Variants in ZFHX3 observed in about 807,000 individuals in gnomAD.
ZFHX3 encodes zinc finger homeobox protein 3.
A neutral mutation model predicts 279.1 loss-of-function variants in ZFHX3; 42 were observed. The ratio of observed to expected loss-of-function variants is 0.15; its 90% confidence interval spans 0.12 to 0.19. The LOEUF is 0.19. Among genes scored for constraint, ZFHX3 ranks in the 10% least tolerant of loss-of-function variants. ZFHX3 has a pLI of 1.00. For synonymous variants in ZFHX3, 2,293 were observed against 1,957.8 expected, an observed-to-expected ratio of 1.17 and a Z score of -4.52; for missense variants, 4,981 against 4,754.0, an observed-to-expected ratio of 1.05 and a Z score of -1.40.
At chr16:73,849,342 C>T (rs61248130) in intron 1 of ZFHX3, among the ~76,000 whole-genome samples, 37,948 of 152,110 alleles carry the variant, frequency 0.25, 5,856 homozygotes, top group Non-Finnish European at 0.35. Context: ...TTGCACTTCA[C>T]TTCATCTGAA....
At chr16:73,815,601 A>T (rs1231263840) in intron 1 of ZFHX3, 2 of 149,844 alleles carry the variant, frequency 1.3e-5, no homozygotes, top group African/African-American at 2.5e-5. Context: ...CACTCTGTCC[A>T]CCCAGGCTGG....
intron 3 of ZFHX3, among the ~76,000 whole-genome samples, chr16:73,378,055 A>C (rs2016754947): frequency 7.3e-6 from 1 of 136,474 alleles, no homozygotes; most frequent in African/African-American, 2.6e-5. Context: ...AAAAAAAAAA[A>C]AAAAAAAAAA....
intron 2 of ZFHX3, among the ~76,000 whole-genome samples, chr16:73,465,177 T>C (rs1218759163): frequency 6.6e-6 from 1 of 152,234 alleles, no homozygotes; most frequent in Non-Finnish European, 1.5e-5. Context: ...ATTTCAAGGC[T>C]TGGAGTTCAT....
intron 2 of ZFHX3, among the ~76,000 whole-genome samples, chr16:73,475,300 A>T (rs1193076194): frequency 1.3e-5 from 2 of 152,226 alleles, no homozygotes; most frequent in East Asian, 3.8e-4. Context: ...TTCAAAAATA[A>T]AATTCCTTCT....
intron 3 of ZFHX3, among the ~76,000 whole-genome samples, chr16:73,390,155 T>C (rs527436779): frequency 3.1e-4 from 47 of 152,162 alleles, no homozygotes; most frequent in African/African-American, 1.1e-3. Context: ...GGTTAAAAAA[T>C]AACCCGTCCC....
intron 1 of ZFHX3, among the ~76,000 whole-genome samples, chr16:73,834,579 G>C (rs1339750659): frequency 2.0e-5 from 3 of 152,206 alleles, no homozygotes; most frequent in African/African-American, 7.2e-5. Flanking sequence ...TCCTCACTTG[G>C]AAGGAAACAT....
At chr16:72,949,911 CTTTTTT>C (rs774934563) in intron 3 of ZFHX3, among the ~76,000 whole-genome samples, 1 of 116,058 alleles carries the variant, frequency 8.6e-6, no homozygotes, top group Non-Finnish European at 1.7e-5. Context: ...ATTTTCTTTT[CTTTTTT>C]TTTTTTTTTT....
intron 1 of ZFHX3, among the ~76,000 whole-genome samples, chr16:72,970,308 C>T (rs1458673991): frequency 6.6e-6 from 1 of 151,742 alleles, no homozygotes; most frequent in Non-Finnish European, 1.5e-5. Flanking sequence ...GCAAGACAAA[C>T]CAGCTATTAT....
intron 5 of ZFHX3, among the ~76,000 whole-genome samples, chr16:73,244,201 G>C (rs1195373588): frequency 6.6e-6 from 1 of 152,164 alleles, no homozygotes; most frequent in Non-Finnish European, 1.5e-5. Flanking sequence ...GAATATTTTT[G>C]AGTGGCAGAT....
intron 2 of ZFHX3, among the ~76,000 whole-genome samples, chr16:72,955,646 C>T (rs762375363): frequency 5.9e-5 from 9 of 151,946 alleles, no homozygotes; most frequent in Admixed American, 2.0e-4. Flanking sequence ...GGCATGGTGG[C>T]GGGTGCCTGT....
chr16:73,085,985 C>CAAAAAAAA (rs57128744), intron 8 of ZFHX3, among the ~76,000 whole-genome samples: 17 of 54,116 alleles, frequency 3.1e-4, no homozygotes, highest in Non-Finnish European at 4.8e-4. Context: ...AACTCAATTG[C>CAAAAAAAA]AAAAAAAAAA....
intron 1 of ZFHX3, among the ~76,000 whole-genome samples, chr16:73,693,712 C>G (rs1016105477): frequency 3.3e-5 from 5 of 152,128 alleles, no homozygotes; most frequent in Admixed American, 6.5e-5. Context: ...TGTAAACAGT[C>G]CCTCCCTTCA....
At chr16:72,942,692 A>G (rs1237732729) in intron 3 of ZFHX3, among the ~76,000 whole-genome samples, 2 of 152,208 alleles carry the variant, frequency 1.3e-5, no homozygotes, top group Non-Finnish European at 2.9e-5. Flanking sequence ...TATTTACGTA[A>G]GAACTTCAGG....
chr16:73,304,500 T>C (rs997543166), intron 4 of ZFHX3, among the ~76,000 whole-genome samples: 1 of 152,180 alleles, frequency 6.6e-6, no homozygotes, highest in Non-Finnish European at 1.5e-5. Context: ...AGCTTTCCTT[T>C]GTGCAAGTAT....
intron 4 of ZFHX3, among the ~76,000 whole-genome samples, chr16:73,283,418 T>C (rs1336989575): frequency 6.6e-6 from 1 of 152,220 alleles, no homozygotes; most frequent in Non-Finnish European, 1.5e-5. Flanking sequence ...TGGCCTCTCC[T>C]GGCCATGATC....
At chr16:73,836,762 T>C (rs1597137344) in intron 1 of ZFHX3, among the ~76,000 whole-genome samples, 1 of 152,354 alleles carries the variant, frequency 6.6e-6, no homozygotes, top group South Asian at 2.1e-4. Flanking sequence ...ATTGCCAATG[T>C]AATGTGGTTG....
chr16:72,953,657 T>C (rs1359029046), intron 2 of ZFHX3, among the ~76,000 whole-genome samples: 2 of 152,116 alleles, frequency 1.3e-5, no homozygotes, highest in Non-Finnish European at 2.9e-5. Context: ...AGTGGGTCAC[T>C]GCAGTCTGGG....
At position 73,534,430 on chromosome 16, in the gene ZFHX3, G is replaced by A. The variant is rs186406335; in HGVS notation, c.-1546-78172C>T. Among the ~76,000 whole-genome samples the A allele has an allele frequency of 3.9e-5, 6 of 152,038 alleles. No homozygotes were observed. The East Asian group carries it at 7.7e-4, about 20-fold the overall frequency. On this transcript the variant is annotated intron_variant, in intron 2 of 17. Transcript: ENST00000641206. ...TTTCTCTTACCCTTCTGTCTCTCTC[G>A]GCTTTATTCCATCTCATGCATCACC...
chr16:72,806,820 A>G (rs1455227270), intron 7 of ZFHX3, among the ~76,000 whole-genome samples: 1 of 152,198 alleles, frequency 6.6e-6, no homozygotes, highest in African/African-American at 2.4e-5. Context: ...ATACAGAATA[A>G]TTAAGAACTA....
Sources: allele counts gnomAD v4.1 joint callset (sites outside exome capture counted in the v4.1 genomes callset), GRCh38; gene constraint gnomAD v4.1.1; transcripts MANE v1.5; gene names NCBI Gene and HGNC (gene_info 2026-07-23, HGNC 2026-07-21).